The following ZSWIM6 variants were observed in gnomAD, a reference collection of about 807,000 sequenced individuals.
The protein encoded by ZSWIM6 is zinc finger SWIM-type containing 6.
ZSWIM6 carries 9 observed loss-of-function variants against 113.2 expected under a neutral mutation model. The ratio of observed to expected loss-of-function variants is 0.08; its 90% CI spans 0.05 to 0.14. The LOEUF (loss-of-function observed/expected upper bound fraction) is 0.14, where lower values mean the gene tolerates loss of function less well. Among genes scored for constraint, ZSWIM6 ranks in the 10% least tolerant of loss-of-function variants. ZSWIM6 has a pLI of 1.00. For missense variants in ZSWIM6, 1,162 were observed against 1,552.2 expected, an observed-to-expected ratio of 0.75 and a Z score of 4.22; for synonymous variants, 611 against 606.5, an observed-to-expected ratio of 1.01 and a Z score of -0.11.
intron 1 of ZSWIM6, among the ~76,000 whole-genome samples, chr5:61,446,927 T>A (rs1384821306): frequency 2.6e-5 from 4 of 152,154 alleles, no homozygotes; most frequent in Non-Finnish European, 4.4e-5. Flanking sequence ...AACTCACTGG[T>A]CTACACACAT....
intron 1 of ZSWIM6, chr5:61,390,529 C>T: frequency 4.4e-6 from 2 of 452,018 alleles, no homozygotes; most frequent in Non-Finnish European, 8.2e-6. Context: ...TTGAATTTGC[C>T]CCTTGCTCTG....
intron 1 of ZSWIM6, among the ~76,000 whole-genome samples, chr5:61,446,457 A>G (rs750283969): frequency 2.6e-5 from 4 of 152,250 alleles, no homozygotes; most frequent in Non-Finnish European, 5.9e-5. Context: ...AATAACTCAG[A>G]AAATTCAGGC....
At chr5:61,491,894 C>A (rs1047396543) in intron 3 of ZSWIM6, among the ~76,000 whole-genome samples, 12 of 151,796 alleles carry the variant, frequency 7.9e-5, no homozygotes, top group African/African-American at 2.9e-4. Flanking sequence ...TTAATCAATA[C>A]CATGTTCATA....
chr5:61,344,789 A>G (rs1348661749), intron 1 of ZSWIM6, among the ~76,000 whole-genome samples: 1 of 152,218 alleles, frequency 6.6e-6, no homozygotes, highest in Non-Finnish European at 1.5e-5. Context: ...CAGGGTCAGC[A>G]CGTTGTGGGA....
At chr5:61,359,795 G>T (rs1420149952) in intron 1 of ZSWIM6, among the ~76,000 whole-genome samples, 1 of 152,086 alleles carries the variant, frequency 6.6e-6, no homozygotes, top group African/African-American at 2.4e-5. Context: ...CAAAACGACT[G>T]TAAGAAGTAG....
chr5:61,416,517 A>G (rs1393891936), intron 1 of ZSWIM6, among the ~76,000 whole-genome samples: 1 of 152,136 alleles, frequency 6.6e-6, no homozygotes, highest in African/African-American at 2.4e-5. Flanking sequence ...CTGTTTCTTG[A>G]TTCTCTCAGA....
intron 9 of ZSWIM6, among the ~76,000 whole-genome samples, chr5:61,534,831 A>G (rs1749533318): frequency 6.6e-6 from 1 of 152,208 alleles, no homozygotes; most frequent in Non-Finnish European, 1.5e-5. Flanking sequence ...CAGGAGCCCA[A>G]AGAATAGTAA....
intron 1 of ZSWIM6, among the ~76,000 whole-genome samples, chr5:61,368,180 A>G (rs1745198983): frequency 6.6e-6 from 1 of 152,142 alleles, no homozygotes; most frequent in Non-Finnish European, 1.5e-5. Flanking sequence ...ATTCAGTGAG[A>G]TTTCATGTTT....
intron 1 of ZSWIM6, among the ~76,000 whole-genome samples, chr5:61,370,292 C>T (rs1037898766): frequency 7.9e-5 from 12 of 152,292 alleles, no homozygotes; most frequent in African/African-American, 1.4e-4. Flanking sequence ...AGCAATGAAA[C>T]CACATTTTGA....
chr5:61,413,449 T>A (rs1459121304), intron 1 of ZSWIM6, among the ~76,000 whole-genome samples: 1 of 152,094 alleles, frequency 6.6e-6, no homozygotes, highest in African/African-American at 2.4e-5. Flanking sequence ...TGGTTCCAAG[T>A]CTTTGCTATT....
intron 1 of ZSWIM6, among the ~76,000 whole-genome samples, chr5:61,350,442 C>T (rs2112038572): frequency 6.6e-6 from 1 of 152,206 alleles, no homozygotes; most frequent in South Asian, 2.1e-4. Flanking sequence ...AGTGGGCTCT[C>T]CTCAATCTTT....
intron 7 of ZSWIM6, among the ~76,000 whole-genome samples, chr5:61,526,829 T>C (rs1448830401): frequency 6.6e-6 from 1 of 152,202 alleles, no homozygotes; most frequent in Non-Finnish European, 1.5e-5. Flanking sequence ...GATTTTGAAT[T>C]CTCTTCTGTG....
intron 1 of ZSWIM6, among the ~76,000 whole-genome samples, chr5:61,426,927 C>T (rs1746473637): frequency 6.6e-6 from 1 of 151,890 alleles, no homozygotes; most frequent in Non-Finnish European, 1.5e-5. Context: ...AATCCATTTG[C>T]TCCTTATTGG....
intron 1 of ZSWIM6, among the ~76,000 whole-genome samples, chr5:61,419,248 G>GTCTT (rs987518278): frequency 6.6e-6 from 1 of 152,212 alleles, no homozygotes; most frequent in Admixed American, 6.5e-5. Context: ...ATGCCTTGGT[G>GTCTT]TCTTTAGTCA....
intron 1 of ZSWIM6, among the ~76,000 whole-genome samples, chr5:61,365,776 G>A (rs1745136920): frequency 6.6e-6 from 1 of 152,102 alleles, no homozygotes; most frequent in Non-Finnish European, 1.5e-5. Context: ...ATAGCATTAG[G>A]TTGGCATAGT....
At chr5:61,338,053 C>T (rs1032123153) in intron 1 of ZSWIM6, among the ~76,000 whole-genome samples, 1 of 151,896 alleles carries the variant, frequency 6.6e-6, no homozygotes, top group African/African-American at 2.4e-5. Context: ...TTTAAATGGC[C>T]TATTTTTCTA....
intron 1 of ZSWIM6, among the ~76,000 whole-genome samples, chr5:61,466,311 A>G (rs1747434591): frequency 6.6e-6 from 1 of 152,144 alleles, no homozygotes; most frequent in Non-Finnish European, 1.5e-5. Context: ...TAAGCAATGA[A>G]TACATTATCA....
At chr5:61,436,869 C>A (rs895887694) in intron 1 of ZSWIM6, among the ~76,000 whole-genome samples, 1 of 152,120 alleles carries the variant, frequency 6.6e-6, no homozygotes, top group African/African-American at 2.4e-5. Flanking sequence ...TGATTTTCAG[C>A]CTGAAATATT....
chr5:61,529,068 C>A (rs754519202), intron 7 of ZSWIM6, among the ~76,000 whole-genome samples: 3 of 152,108 alleles, frequency 2.0e-5, no homozygotes, highest in African/African-American at 7.2e-5. Context: ...ATTGGCCGGG[C>A]GTGATGGCAC....
Sources: gnomAD v4.1 joint callset for allele counts (sites outside exome capture counted in the v4.1 genomes callset) on GRCh38, gnomAD v4.1.1 for gene constraint, MANE v1.5 for transcripts, NCBI Gene and HGNC (gene_info 2026-07-23, HGNC 2026-07-21) for gene names.